Variants in RECQL4 observed in about 807,000 individuals in gnomAD.
RECQL4 encodes the protein RecQ like helicase 4, also known as ATP-dependent DNA helicase Q4.
In RECQL4, 158 loss-of-function variants were observed where a neutral mutation model predicts 128.6. The observed-to-expected ratio is 1.23, with a 90% confidence interval of 1.08 to 1.40. The LOEUF is 1.40. Among genes scored for constraint, RECQL4 ranks in the 40% most tolerant of loss-of-function variants. RECQL4 has a pLI of 0.00. For missense variants in RECQL4, 2,293 were observed against 1,649.8 expected (o/e 1.39, Z -6.75); for synonymous variants, 996 against 678.9 (o/e 1.47, Z -7.26).
rs766346414 is a variant in RECQL4 at position 144,516,238 on chromosome 8, A to G, written c.881T>C (p.Val294Ala). 6.8e-6 allele frequency: 11 copies of G among 1,612,944 alleles called. No homozygotes were observed. The highest frequency in any genetic ancestry group is 1.3e-5 in the African/African-American group (1 of 75,040). ...PPSEGAGAVA[V>A]EEDPPGEPVQ... ...AGGTTCCCCTGGAGGGTCTTCCTCA[A>G]CTGCTACAGCCCCAGCCCCCTCCGA... Residue 294 changes from valine to alanine, a missense_variant, in exon 5 of 21, where the codon GTT (valine) becomes GCT (alanine). Val to Ala is a moderately conservative substitution (Grantham distance 64). Transcript: ENST00000617875.
chr8:144,513,795 G>A, intron 12 of RECQL4, 83 bp from the exon 13 acceptor site: 2 of 1,431,188 alleles, frequency 1.4e-6, no homozygotes, highest in South Asian at 1.3e-5. Flanking sequence ...GGTCGGCGTG[G>A]GGAGTGAGGA....
chr8:144,512,515 G>A lies in RECQL4; in HGVS notation c.2932C>T (p.Pro978Ser), dbSNP rs770014424. Residue 978 changes from proline (P) to serine (S), a missense_variant, in exon 17 of 21, where the codon CCA (proline) becomes TCA (serine). Physicochemically the swap from Pro to Ser is moderately conservative, Grantham distance 74. Transcript: ENST00000617875. ...VCLAQQLPED[P>S]GQGSSSVEFD... ...TCCACGGAGCTGCTGCCTTGCCCTG[G>A]GTCCTCAGGCAGCTGCTGGGCCAAG... 7 of 1,612,568 alleles carry A rather than the reference G, an allele frequency of 4.3e-6. No homozygotes were observed. The highest frequency in any genetic ancestry group is 1.7e-4 in the Middle Eastern group (1 of 6,060).
chr8:144,516,859 G>T, intron 4 of RECQL4, 95 bp from the exon 5 acceptor site: 1 of 1,397,224 alleles, frequency 7.2e-7, no homozygotes, highest in Non-Finnish European at 9.6e-7. Flanking sequence ...CAATTGTAGA[G>T]CAGGCTAATT....
In RECQL4 at chr8:144,517,794, GCC is replaced by G; in HGVS notation, c.-12_-11del. 8.2e-7 allele frequency: 1 copy of G among 1,212,894 alleles called. No individual in the cohort carries two copies. Among genetic ancestry groups the G allele is most frequent in the Admixed American group, 4.0e-5 (1 of 24,832 alleles). The allele number at this position is 1,212,894 out of a possible 1,614,324, so 75.1% of individuals were successfully genotyped here. ...CCCGCAGCCGCTCCATGGCGCGCGC[GCC>G]CGCCCGGCCTCCGCGCTTGCGATCG... is the stretch of plus-strand genomic sequence containing the variant. On this transcript the variant is annotated 5_prime_UTR_variant, in exon 1 of 21. Coordinates refer to ENST00000617875, the MANE Select transcript of RECQL4 (RefSeq NM_004260.4).
chr8:144,513,238 G>C lies in RECQL4; in HGVS notation c.2443C>G (p.His815Asp). The part of the protein sequence containing the change: ...AGRDGQPAHC[H>D]LFLQPQGEDL... ...CCAACCTGGGGCTGCAGGAAGAGGT[G>C]GCAGTGGGCAGGCTGCCCGTCACGC... Residue 815 changes from histidine to aspartate, a missense_variant, in exon 14 of 21, where the codon CAC (histidine) becomes GAC (aspartate). Transcript: ENST00000617875. The C allele has an allele frequency of 6.3e-7, 1 of 1,585,706 alleles. No homozygotes were observed. The highest frequency in any genetic ancestry group is 1.8e-4 in the Middle Eastern group (1 of 5,694).
At position 144,517,682 on chromosome 8, in the gene RECQL4, G is replaced by C; in HGVS notation, c.84+19C>G. 6.9e-7 allele frequency: 1 copy of C among 1,439,022 alleles called. No homozygotes were observed. Among genetic ancestry groups the C allele is most frequent in the Non-Finnish European group, 9.1e-7 (1 of 1,101,454 alleles). 89.1% of individuals were successfully genotyped at this position (1,439,022 alleles called of 1,614,324 possible). A position where few individuals can be genotyped will look rare whatever the true frequency, so the allele number is the denominator to read the frequency against. On this transcript the variant is annotated intron_variant, in intron 1 of 20. Transcript: ENST00000617875. ...CGCGGGCCGCGCCCTCAGCCCCTCG[G>C]CCCCTGGGCAGCCCGCACCTGGCTC...
intron 9 of RECQL4, among the ~76,000 whole-genome samples, 171 bp downstream of exon 9, chr8:144,514,765 G>T (rs866527780): frequency 6.6e-6 from 1 of 152,224 alleles, no homozygotes; most frequent in East Asian, 1.9e-4. Flanking sequence ...TGGCTGTGGT[G>T]CCTGTGGAGC....
Position 144,517,208 on chromosome 8 carries a change from G to T in RECQL4, c.214-18C>A. The T allele has an allele frequency of 6.3e-7, 1 of 1,585,986 alleles. No homozygotes were observed. The highest frequency in any genetic ancestry group is 8.5e-7 in the Non-Finnish European group (1 of 1,169,716). ...TCTGGCGCCTGCAGGAGACAACAGG[G>T]GCACAGGCCAGAAAAGGCTGTTGTG... On this transcript the variant is annotated intron_variant, in intron 3 of 20. Transcript: ENST00000617875.
rs373763805 is a variant in RECQL4, at chr8:144,512,915, A to G, written c.2687T>C (p.Val896Ala). 5.0e-5 allele frequency: 80 copies of G among 1,585,672 alleles called. No homozygotes were observed. In the South Asian group the frequency reaches 6.4e-4, roughly 13 times the overall value. Residue 896 changes from valine to alanine, a missense_variant, in exon 15 of 21, where the codon GTC becomes GCC. By Grantham distance (64) the Val-to-Ala change is moderately conservative (BLOSUM62 0). Transcript: ENST00000617875. ...SHQAAPGPRR[V>A]CMGHERALPI... ...GAGTGCCCGCTCATGGCCCATGCAG[A>G]CCCTTCTGGGTCCTGGGGCTGCTTG...
At position 144,512,667 on chromosome 8, in the gene RECQL4, C is replaced by G. The variant is rs1564791493; in HGVS notation, c.2860G>C (p.Ala954Pro). 6.2e-7 allele frequency: 1 copy of G among 1,612,564 alleles called. No individual in the cohort carries two copies. The highest frequency in any genetic ancestry group is 8.5e-7 in the Non-Finnish European group (1 of 1,179,796). The change falls in exon 16 of 21, where the codon GCC becomes CCC. Residue 954 changes from alanine to proline, a missense_variant. Coordinates refer to ENST00000617875, the MANE Select transcript of RECQL4 (RefSeq NM_004260.4). ...CTGTGGGCCAGGGCCTGGAGCTGGG[C>G]AGGGCCCCCAGGGCAGTTCAGACGG... ...HCRLNCPGGP[A>P]QLQALAHRCP...
At chr8:144,517,250 C>T (rs1375812120) in intron 3 of RECQL4, 60 bp from the exon 4 acceptor site, 1 of 1,532,600 alleles carries the variant, frequency 6.5e-7, no homozygotes, top group African/African-American at 1.4e-5. Context: ...GAAGCGCTCC[C>T]AGCCACCCCT....
At chr8:144,517,251 A>G in intron 3 of RECQL4, 61 bp from the exon 4 acceptor site, 1 of 1,532,052 alleles carries the variant, frequency 6.5e-7, no homozygotes. Flanking sequence ...AAGCGCTCCC[A>G]GCCACCCCTC....
At position 144,517,619 on chromosome 8, in the gene RECQL4, G is replaced by A. The variant is rs2130743694; in HGVS notation, c.101C>T (p.Ala34Val). The A allele has an allele frequency of 1.3e-6, 2 of 1,486,498 alleles. No individual in the cohort carries two copies. Among genetic ancestry groups the A allele is most frequent in the African/African-American group, 1.5e-5 (1 of 68,278 alleles). The allele number at this position is 1,486,498 out of a possible 1,614,324, so 92.1% of individuals were successfully genotyped here. A position where few individuals can be genotyped will look rare whatever the true frequency, so the allele number is the denominator to read the frequency against. Residue 34 changes from alanine (A) to valine (V), a missense_variant, in exon 2 of 21, where the codon GCG becomes GTG. Ala to Val is a moderately conservative substitution (Grantham distance 64). Transcript: ENST00000617875. ...RRPSQDDVEA[A>V]PEETRALYRE... ...GCGCTCACCGCGGGTCTCCTCCGGCGCCGCCTCCACGTCGTCCTGTAAAGG... is the reference window on the plus strand; with the variant it reads ...GCGCTCACCGCGGGTCTCCTCCGGCACCGCCTCCACGTCGTCCTGTAAAGG...
chr8:144,513,041 G>A lies in RECQL4; in HGVS notation c.2561C>T (p.Thr854Ile), dbSNP rs1167531855. The change falls in exon 15 of 21, where the codon ACC becomes ATC. Residue 854 changes from threonine (T) to isoleucine (I), a missense_variant. Physicochemically the swap from Thr to Ile is moderately conservative, Grantham distance 89 (BLOSUM62 -1). Transcript: ENST00000617875. ...RLVQRVFPAC[T>I]CTCTRPPSEQ... Reference sequence around the variant, plus strand: ...CGAGGGCGGCCTGGTGCAGGTGCAGGTGCAGGCTGGGAACACGCGCTGTAC... The same window carrying A: ...CGAGGGCGGCCTGGTGCAGGTGCAGATGCAGGCTGGGAACACGCGCTGTAC... 1.3e-6 allele frequency: 2 copies of A among 1,577,266 alleles called. No homozygotes were observed. The highest frequency in any genetic ancestry group is 8.6e-7 in the Non-Finnish European group (1 of 1,162,634).
In RECQL4 at chr8:144,513,415, C is replaced by A. The variant is rs1319987748; in HGVS notation, c.2266G>T (p.Val756Leu). 6.2e-7 allele frequency: 1 copy of A among 1,609,218 alleles called. No individual in the cohort carries two copies. Among genetic ancestry groups the A allele is most frequent in the South Asian group, 1.1e-5 (1 of 91,054 alleles). The stretch of plus-strand genomic sequence containing the variant: ...TGGCCCTGCATGAAGGCTCGCTGTA[C>A]CCGCCGCCGTTCCCGGCTGCACATG... ...AGMCSRERRR[V>L]QRAFMQGQLR... The change falls in exon 14 of 21, where the codon GTA (valine) becomes TTA (leucine). Residue 756 changes from valine to leucine, a missense_variant. Coordinates refer to ENST00000617875, the MANE Select transcript of RECQL4 (RefSeq NM_004260.4).
In RECQL4 at chr8:144,516,454, G is replaced by C. The variant is rs1452356265; in HGVS notation, c.665C>G (p.Pro222Arg). The C allele has an allele frequency of 6.2e-7, 1 of 1,608,638 alleles. No homozygotes were observed. The highest frequency in any genetic ancestry group is 8.5e-7 in the Non-Finnish European group (1 of 1,179,776). The change falls in exon 5 of 21, where the codon CCT becomes CGT. Residue 222 changes from proline (P) to arginine (R), a missense_variant. Physicochemically the swap from Pro to Arg is moderately radical, Grantham distance 103. Coordinates refer to ENST00000617875, the MANE Select transcript of RECQL4 (RefSeq NM_004260.4). The part of the protein sequence containing the change: ...LGSEESQLLI[P>R]GESAVLGPGA... ...AGGACCAAGGACAGCCGACTCACCAGGGATCAGAAGTTGTGATTCCTCTGA... is the reference window on the plus strand; with the variant it reads ...AGGACCAAGGACAGCCGACTCACCACGGATCAGAAGTTGTGATTCCTCTGA...
At position 144,516,405 on chromosome 8, in the gene RECQL4, C is replaced by T. The variant is rs1197708179; in HGVS notation, c.714G>A (p.Glu238=). 13 of 1,609,630 alleles carry T rather than the reference C, an allele frequency of 8.1e-6. No homozygotes were observed. The highest frequency in any genetic ancestry group is 1.1e-5 in the Non-Finnish European group (13 of 1,179,710). Residue 238 remains glutamate, a synonymous_variant, in exon 5 of 21, where the codon GAG becomes GAA. Coordinates refer to ENST00000617875, the MANE Select transcript of RECQL4 (RefSeq NM_004260.4). ...TGCTGACTTCTTGGAAGGCTGAAGC[C>T]TCTGGGCCCTGGGAGCCAGCACCAG... ...LGPGAGSQGP[E]ASAFQEVSIR... is the part of the protein sequence containing the mutation.
At chr8:144,515,646 G>C in intron 6 of RECQL4, 118 bp downstream of exon 6, 1 of 1,464,064 alleles carries the variant, frequency 6.8e-7, no homozygotes, top group Non-Finnish European at 9.3e-7. Flanking sequence ...AGCTAGGGTA[G>C]GGCCTGGACC....
In RECQL4 at chr8:144,515,361, G is replaced by C. The variant is rs1319689040; in HGVS notation, c.1355C>G (p.Pro452Arg). 1 of 1,612,768 alleles carries C rather than the reference G, an allele frequency of 6.2e-7. No individual in the cohort carries two copies. Among genetic ancestry groups the C allele is most frequent in the Non-Finnish European group, 8.5e-7 (1 of 1,179,834 alleles). The change falls in exon 7 of 21, where the codon CCA becomes CGA. Residue 452 changes from proline to arginine, a missense_variant. Transcript: ENST00000617875. ...EVPSLDPTVL[P>R]LYSLGPSGQL... ...CCCTGAGGGCCCCAGGGAGTAGAGT[G>C]GCAGCACGGTGGGGTCCAGGCTGGG...
Sources: gnomAD v4.1 joint callset for allele counts (sites outside exome capture counted in the v4.1 genomes callset) on GRCh38, gnomAD v4.1.1 for gene constraint, MANE v1.5 for transcripts, NCBI Gene and HGNC (gene_info 2026-07-23, HGNC 2026-07-21) for gene names.